ZHX2: variants seen among roughly 807,000 people sequenced by gnomAD.
ZHX2 encodes the protein zinc fingers and homeoboxes protein 2.
A neutral mutation model predicts 21.9 loss-of-function variants in ZHX2; 6 were observed. The observed-to-expected ratio is 0.27, with a 90% CI of 0.15 to 0.54. The LOEUF (loss-of-function observed/expected upper bound fraction) is 0.54. Ranked by LOEUF, ZHX2 falls within the 20% of genes least tolerant of loss-of-function variation. The pLI is 0.95. For missense variants in ZHX2, 908 were observed against 1,090.7 expected (o/e 0.83, Z 2.36); for synonymous variants, 434 against 437.1 (o/e 0.99, Z 0.09).
At chr8:122,925,465 C>T (rs1354987361) in intron 2 of ZHX2, among the ~76,000 whole-genome samples, 1 of 152,144 alleles carries the variant, frequency 6.6e-6, no homozygotes, top group African/African-American at 2.4e-5. Context: ...CGAGAAATAC[C>T]CACACAGGTA....
rs558034279 is a variant in ZHX2, at chr8:122,790,664, A to G, written c.-283+8718A>G. On this transcript the variant is annotated intron_variant, in intron 1 of 3. Coordinates refer to ENST00000314393, the MANE Select transcript of ZHX2 (RefSeq NM_014943.5). ...ACTCTGTTGCCCAGGCTGGAGTGCA[A>G]TGGCGTGATCTCAGCTCATTGCAAC... Among the ~76,000 whole-genome samples the G allele has an allele frequency of 5.3e-5, 8 of 152,120 alleles. No homozygotes were observed. In the East Asian group the frequency reaches 5.8e-4, roughly 11 times the overall value.
intron 2 of ZHX2, among the ~76,000 whole-genome samples, chr8:122,874,611 G>A (rs946206471): frequency 1.3e-5 from 2 of 152,130 alleles, no homozygotes; most frequent in African/African-American, 2.4e-5. Context: ...GGGATTACAG[G>A]AGTGAGCCAC....
rs1000412663 is a variant in ZHX2, at chr8:122,782,336, T to C, written c.-283+390T>C. Among the ~76,000 whole-genome samples the C allele has an allele frequency of 6.6e-6, 1 of 152,130 alleles. No individual in the cohort carries two copies. Among genetic ancestry groups the C allele is most frequent in the Non-Finnish European group, 1.5e-5 (1 of 68,024 alleles). ...TATGGCGTCCGCTTTCGACAGGGCG[T>C]TACGTAGACCCGACTGTTTTTATTT... On this transcript the variant is annotated intron_variant, in intron 1 of 3. Transcript: ENST00000314393. This position sits in a 1 kb window ranked among gnomAD's most constrained non-coding sequence, Gnocchi z 5.3.
At chr8:122,866,110 G>A (rs184805844) in intron 2 of ZHX2, among the ~76,000 whole-genome samples, 15 of 152,276 alleles carry the variant, frequency 9.9e-5, no homozygotes, top group African/African-American at 2.9e-4. Context: ...CCTTCCCTCC[G>A]GGAAGTAGTC....
At chr8:122,824,293 T>C (rs570131092) in intron 1 of ZHX2, among the ~76,000 whole-genome samples, 1 of 152,312 alleles carries the variant, frequency 6.6e-6, no homozygotes, top group East Asian at 1.9e-4. Context: ...CTCGCTGATC[T>C]CAGCTCCATG....
chr8:122,901,232 T>G (rs1439787780), intron 2 of ZHX2, among the ~76,000 whole-genome samples: 2 of 152,202 alleles, frequency 1.3e-5, no homozygotes, highest in Non-Finnish European at 2.9e-5. Context: ...TTTAGTTAAC[T>G]TTTTAAAAAC....
chr8:122,892,150 A>T (rs1819996730), intron 2 of ZHX2, among the ~76,000 whole-genome samples: 3 of 152,148 alleles, frequency 2.0e-5, no homozygotes, highest in Non-Finnish European at 4.4e-5. Flanking sequence ...CACTTTGCTG[A>T]ATTGATCCAT....
intron 1 of ZHX2, among the ~76,000 whole-genome samples, chr8:122,834,917 G>A (rs1371376752): frequency 6.6e-6 from 1 of 152,190 alleles, no homozygotes; most frequent in Non-Finnish European, 1.5e-5. Flanking sequence ...GCATCCAGAG[G>A]CCCTGTCTTG....
In ZHX2 at chr8:122,782,249, G is replaced by T. The variant is rs1458783475; in HGVS notation, c.-283+303G>T. ...GATAAATGGGAGCCAGAGCGAGGAG[G>T]AGGAGGAGGAGGAGGAAAAACATGT... On this transcript the variant is annotated intron_variant, in intron 1 of 3. Transcript: ENST00000314393. This position sits in a 1 kb window ranked among gnomAD's most constrained non-coding sequence, Gnocchi z 5.3. 1.3e-5 allele frequency among the ~76,000 whole-genome samples: 2 copies of T among 152,110 alleles called. No homozygotes were observed. The highest frequency in any genetic ancestry group is 2.9e-5 in the Non-Finnish European group (2 of 68,006).
intron 3 of ZHX2, among the ~76,000 whole-genome samples, chr8:122,964,158 TG>T (rs1813523737): frequency 6.6e-6 from 1 of 152,210 alleles, no homozygotes. Flanking sequence ...CTGATTGCTC[TG>T]GCTAGGACTT....
intron 2 of ZHX2, among the ~76,000 whole-genome samples, chr8:122,947,987 C>T (rs79677104): frequency 0.075 from 11,405 of 152,106 alleles, 702 homozygotes; most frequent in East Asian, 0.32. Flanking sequence ...AACGGCTGCC[C>T]TCTTCTCTGG....
intron 1 of ZHX2, among the ~76,000 whole-genome samples, chr8:122,795,397 G>A (rs1377226880): frequency 1.3e-5 from 2 of 152,224 alleles, no homozygotes; most frequent in African/African-American, 4.8e-5. Flanking sequence ...TGGACATCTG[G>A]CCTCTGGGCG....
At chr8:122,853,564 T>C (rs1243481536) in intron 1 of ZHX2, among the ~76,000 whole-genome samples, 1 of 152,130 alleles carries the variant, frequency 6.6e-6, no homozygotes, top group Admixed American at 6.5e-5. Flanking sequence ...TCGAGTTGGC[T>C]CCACCTTCCC....
In ZHX2 at chr8:122,869,906, G is replaced by T. The variant is rs1269744714; in HGVS notation, c.-220+6367G>T. 2.6e-5 allele frequency among the ~76,000 whole-genome samples: 4 copies of T among 152,312 alleles called. No individual in the cohort carries two copies. In the East Asian group the frequency reaches 7.7e-4, roughly 29 times the overall value. On this transcript the variant is annotated intron_variant, in intron 2 of 3. Transcript: ENST00000314393. ...GTCTGTGGAAGGTGCTTGGGGTAGTGTCCACCACAGAGTAAAAGTGTTAGT... is the reference window on the plus strand; with the variant it reads ...GTCTGTGGAAGGTGCTTGGGGTAGTTTCCACCACAGAGTAAAAGTGTTAGT...
At chr8:122,857,292 T>C (rs1478704322) in intron 1 of ZHX2, among the ~76,000 whole-genome samples, 1 of 151,504 alleles carries the variant, frequency 6.6e-6, no homozygotes, top group Non-Finnish European at 1.5e-5. Flanking sequence ...AAAGAGTTGT[T>C]GAAAGAATGA....
At chr8:122,795,936 C>T (rs974078399) in intron 1 of ZHX2, among the ~76,000 whole-genome samples, 5 of 152,020 alleles carry the variant, frequency 3.3e-5, no homozygotes, top group South Asian at 2.1e-4. Flanking sequence ...TTTGGGAGGC[C>T]GGAGGAGGCA....
intron 1 of ZHX2, among the ~76,000 whole-genome samples, chr8:122,840,191 G>C (rs1364534464): frequency 6.6e-6 from 1 of 152,238 alleles, no homozygotes; most frequent in Admixed American, 6.5e-5. Context: ...CATGCTCCAA[G>C]TGTGGTCTTT....
At chr8:122,804,805 G>A (rs951179944) in intron 1 of ZHX2, among the ~76,000 whole-genome samples, 17 of 152,220 alleles carry the variant, frequency 1.1e-4, no homozygotes, top group South Asian at 6.2e-4. Flanking sequence ...TAGCCCAGCC[G>A]GGACTCAAAC....
At chr8:122,870,232 G>C (rs1819398041) in intron 2 of ZHX2, among the ~76,000 whole-genome samples, 1 of 152,118 alleles carries the variant, frequency 6.6e-6, no homozygotes, top group African/African-American at 2.4e-5. Context: ...GACTGCAGAG[G>C]CTCTCAGGTG....
Sources: gnomAD v4.1 joint callset for allele counts (sites outside exome capture counted in the v4.1 genomes callset) on GRCh38, gnomAD v4.1.1 for gene constraint, Gnocchi (gnomAD v3.1) non-coding constraint, MANE v1.5 for transcripts, NCBI Gene and HGNC (gene_info 2026-07-23, HGNC 2026-07-21) for gene names.